RYR2: variants seen among roughly 807,000 people sequenced by gnomAD.
RYR2 encodes the protein ryanodine receptor 2, also known as cardiac muscle ryanodine receptor-calcium release channel.
In RYR2, 227 loss-of-function variants were observed where a neutral mutation model predicts 601.1. The observed-to-expected ratio is 0.38, with a 90% CI of 0.34 to 0.42. The LOEUF (loss-of-function observed/expected upper bound fraction) is 0.42. Among genes scored for constraint, RYR2 ranks in the 10% least tolerant of loss-of-function variants. The probability of loss-of-function intolerance (pLI) is 1.00; values close to 1 mark genes in which losing one functional copy is unlikely to be tolerated. For synonymous variants in RYR2, 2,223 were observed against 2,175.1 expected (o/e 1.02, Z -0.61); for missense variants, 4,646 against 6,156.5 (o/e 0.75, Z 8.21).
At chr1:237,120,650 G>A (rs1365807568) in intron 1 of RYR2, among the ~76,000 whole-genome samples, 1 of 152,122 alleles carries the variant, frequency 6.6e-6, no homozygotes, top group Non-Finnish European at 1.5e-5. Flanking sequence ...AACAATAGTC[G>A]AACCTACCCT....
intron 1 of RYR2, chr1:237,267,657 T>G (rs1572414384): frequency 4.0e-6 from 1 of 247,870 alleles, no homozygotes; most frequent in Admixed American, 4.8e-5. Flanking sequence ...TGAGAGCTTC[T>G]TAGAAATGCA....
rs79721844 is a variant in RYR2, at chr1:237,591,254, G to A, written c.4160+262G>A. Among the ~76,000 whole-genome samples the A allele has an allele frequency of 0.023, 3,264 of 145,066 alleles. 115 individuals carry two copies. The highest frequency in any genetic ancestry group is 0.056 in the Middle Eastern group (15 of 270). On this transcript the variant is annotated intron_variant, in intron 31 of 104. Coordinates refer to ENST00000366574, the MANE Select transcript of RYR2 (RefSeq NM_001035.3). ...TCCTCCTCCTCTTTGTGCAAAGGAT[G>A]CTGTAGGGAAAAATTAAGCAACCTG...
At chr1:237,193,399 G>C (rs1242740840) in intron 1 of RYR2, among the ~76,000 whole-genome samples, 1 of 152,160 alleles carries the variant, frequency 6.6e-6, no homozygotes, top group Non-Finnish European at 1.5e-5. Context: ...GGTGGAGCTT[G>C]CAGTGAGCAG....
chr1:237,506,855 A>G, intron 23 of RYR2, 41 bp downstream of exon 23: 1 of 1,481,240 alleles, frequency 6.8e-7, no homozygotes, highest in Non-Finnish European at 9.4e-7. Context: ...CTGTGAATAC[A>G]TCTTTCTGAA....
chr1:237,063,545 C>G (rs1663145716), intron 1 of RYR2, among the ~76,000 whole-genome samples: 3 of 151,674 alleles, frequency 2.0e-5, no homozygotes, highest in Non-Finnish European at 4.4e-5. Flanking sequence ...TTTATTTATC[C>G]TCTCTTTTTG....
Position 237,171,418 on chromosome 1 carries a change from T to C in RYR2, c.49-99079T>C, listed in dbSNP as rs202054104. Among the ~76,000 whole-genome samples the C allele has an allele frequency of 2.6e-4, 40 of 152,266 alleles. No homozygotes were observed. In the East Asian group the frequency reaches 5.0e-3, roughly 19 times the overall value. Reference sequence around the variant, plus strand: ...TGTTTGCCATACATCTAGAACTCACTAAGCCTGTCCTGTTGATGATCACCT... The same window carrying C: ...TGTTTGCCATACATCTAGAACTCACCAAGCCTGTCCTGTTGATGATCACCT... On this transcript the variant is annotated intron_variant, in intron 1 of 104. Coordinates refer to ENST00000366574, the MANE Select transcript of RYR2 (RefSeq NM_001035.3).
intron 2 of RYR2, among the ~76,000 whole-genome samples, chr1:237,282,042 G>A (rs183645394): frequency 6.6e-6 from 1 of 152,094 alleles, no homozygotes; most frequent in Non-Finnish European, 1.5e-5. Flanking sequence ...AGTATATACT[G>A]CAGAGTGCCC....
intron 82 of RYR2, among the ~76,000 whole-genome samples, chr1:237,758,293 T>C (rs373604187): frequency 1.3e-5 from 2 of 152,222 alleles, no homozygotes; most frequent in East Asian, 3.8e-4. Context: ...AGAGATCCTG[T>C]AATGTATACT....
intron 1 of RYR2, among the ~76,000 whole-genome samples, chr1:237,261,087 G>T (rs1214226060): frequency 2.6e-5 from 4 of 152,178 alleles, no homozygotes; most frequent in Non-Finnish European, 5.9e-5. Context: ...AATGTCAAAA[G>T]CAATGATGGG....
intron 2 of RYR2, among the ~76,000 whole-genome samples, chr1:237,275,856 G>A (rs182951068): frequency 6.6e-6 from 1 of 152,092 alleles, no homozygotes; most frequent in East Asian, 1.9e-4. Context: ...AAAGAAACTA[G>A]AAGTTAATTT....
At chr1:237,429,172 G>A (rs1228546358) in intron 12 of RYR2, among the ~76,000 whole-genome samples, 1 of 152,098 alleles carries the variant, frequency 6.6e-6, no homozygotes, top group African/African-American at 2.4e-5. Context: ...AAGAATTGCT[G>A]CCATTCTGTG....
rs1031049689 is a variant in RYR2 at position 237,674,122 on chromosome 1, C to T, written c.8617C>T (p.Pro2873Ser). ...KGGGNHPLLV[P>S]YDTLTAKEKA... is the part of the protein sequence containing the mutation. ...AGGAGGAAACCATCCTCTGCTGGTG[C>T]CCTATGATACACTGACAGCCAAAGA... Residue 2873 changes from proline (P) to serine (S), a missense_variant, in exon 59 of 105, where the codon CCC (proline) becomes TCC (serine). By Grantham distance (74) the Pro-to-Ser change is moderately conservative. This residue lies in a region of RYR2 where 1,497 missense variants were observed against 1,842.6 expected (regional missense o/e 0.81). Coordinates refer to ENST00000366574, the MANE Select transcript of RYR2 (RefSeq NM_001035.3). 3.7e-6 allele frequency: 6 copies of T among 1,611,166 alleles called. No individual in the cohort carries two copies. The highest frequency in any genetic ancestry group is 4.5e-5 in the East Asian group (2 of 44,826).
At chr1:237,137,284 G>T (rs1672898904) in intron 1 of RYR2, among the ~76,000 whole-genome samples, 1 of 152,124 alleles carries the variant, frequency 6.6e-6, no homozygotes. Context: ...CCCTCCCATG[G>T]TCTCTGTCAC....
rs751419465 is a variant in RYR2 at position 237,590,668 on chromosome 1, G to C, written c.3836G>C (p.Ser1279Thr). The part of the protein sequence containing the change: ...EVTRIDGTID[S>T]SPCLKVTQKS... Reference sequence around the variant, plus strand: ...ACCAGAATAGACGGCACCATAGACAGTTCCCCATGTTTAAAGGTCACTCAG... The same window carrying C: ...ACCAGAATAGACGGCACCATAGACACTTCCCCATGTTTAAAGGTCACTCAG... The change falls in exon 31 of 105, where the codon AGT becomes ACT. Residue 1279 changes from serine to threonine, a missense_variant. Transcript: ENST00000366574. The C allele has an allele frequency of 6.4e-6, 10 of 1,561,992 alleles. No homozygotes were observed. In the African/African-American group the frequency reaches 1.4e-4, roughly 21 times the overall value.
At chr1:237,336,989 A>G (rs1697304129) in intron 3 of RYR2, among the ~76,000 whole-genome samples, 2 of 150,842 alleles carry the variant, frequency 1.3e-5, no homozygotes. Context: ...GGTGGCTCAC[A>G]CCTGTCATCC....
At chr1:237,151,817 T>C (rs913704365) in intron 1 of RYR2, among the ~76,000 whole-genome samples, 1 of 152,188 alleles carries the variant, frequency 6.6e-6, no homozygotes, top group South Asian at 2.1e-4. Context: ...GGCATGGACA[T>C]TGATCTTGCA....
At chr1:237,154,008 T>C (rs1485098794) in intron 1 of RYR2, among the ~76,000 whole-genome samples, 2 of 152,192 alleles carry the variant, frequency 1.3e-5, no homozygotes, top group African/African-American at 4.8e-5. Flanking sequence ...AGCTTTGTCA[T>C]AAATTGATAA....
At chr1:237,544,614 A>G (rs897865556) in intron 25 of RYR2, among the ~76,000 whole-genome samples, 23 of 152,174 alleles carry the variant, frequency 1.5e-4, no homozygotes, top group Admixed American at 8.5e-4. Flanking sequence ...GTTCATTTTT[A>G]ACCACAAGAA....
chr1:237,293,353 C>T (rs879328844), intron 2 of RYR2, among the ~76,000 whole-genome samples: 9 of 152,220 alleles, frequency 5.9e-5, no homozygotes, highest in South Asian at 2.1e-4. Context: ...ACTACAGGCG[C>T]GTGCCACCAC....
Sources: gnomAD v4.1 joint callset for allele counts (sites outside exome capture counted in the v4.1 genomes callset) on GRCh38, gnomAD v4.1.1 for gene constraint, gnomAD v4.1.1 regional missense constraint, MANE v1.5 for transcripts, NCBI Gene and HGNC (gene_info 2026-07-23, HGNC 2026-07-21) for gene names.